Variants in ITGA4 observed in about 807,000 individuals in gnomAD.
The protein encoded by ITGA4 is integrin subunit alpha 4.
A neutral mutation model predicts 133.6 loss-of-function variants in ITGA4; 63 were observed. The observed-to-expected ratio is 0.47, with a 90% CI of 0.38 to 0.58. ITGA4 has a LOEUF of 0.58. ITGA4 is among the 20% of genes least tolerant of loss of function. The pLI is 0.00. For missense variants in ITGA4, 1,076 were observed against 1,252.7 expected, an observed-to-expected ratio of 0.86 and a Z score of 2.13; for synonymous variants, 483 against 438.0, an observed-to-expected ratio of 1.10 and a Z score of -1.28.
At chr2:181,517,387 CAT>C (rs1686627370) in intron 17 of ITGA4, among the ~76,000 whole-genome samples, 2 of 152,012 alleles carry the variant, frequency 1.3e-5, no homozygotes, top group African/African-American at 2.4e-5. Context: ...CAGAAAAAAA[CAT>C]AGAGCCTGGT....
intron 9 of ITGA4, among the ~76,000 whole-genome samples, chr2:181,484,009 T>G (rs759670007): frequency 1.2e-4 from 18 of 152,224 alleles, no homozygotes; most frequent in Non-Finnish European, 2.1e-4. Context: ...AATTAATAAT[T>G]GATTCCAGCT....
intron 10 of ITGA4, 83 bp downstream of exon 10, chr2:181,486,075 T>C (rs1685909389): frequency 6.7e-7 from 1 of 1,485,836 alleles, no homozygotes; most frequent in Admixed American, 2.6e-5. Context: ...TTTTGTATTG[T>C]TTTCCTTCCT....
chr2:181,476,005 A>C, intron 4 of ITGA4: 1 of 1,126,592 alleles, frequency 8.9e-7, no homozygotes, highest in Non-Finnish European at 1.2e-6. Flanking sequence ...AAAATCCCTC[A>C]GCACGCAAAG....
chr2:181,485,753 A>G, intron 9 of ITGA4, 128 bp from the exon 10 acceptor site: 1 of 698,560 alleles, frequency 1.4e-6, no homozygotes. Context: ...TGTGTACTAA[A>G]GCTCAGTCTG....
intron 14 of ITGA4, 124 bp from the exon 15 acceptor site, chr2:181,498,499 T>C (rs1686203258): frequency 4.0e-6 from 2 of 503,710 alleles, no homozygotes; most frequent in East Asian, 6.7e-5. Flanking sequence ...AAAAAGCTGT[T>C]TAATAAAGAG....
Position 181,537,002 on chromosome 2 carries a change from A to C in ITGA4, c.*1475A>C. 1 of 449,436 alleles carries C rather than the reference A, an allele frequency of 2.2e-6. No homozygotes were observed. The highest frequency in any genetic ancestry group is 1.6e-5 in the South Asian group (1 of 63,462). The allele number at this position is 449,436 out of a possible 1,614,324, so 27.8% of individuals were successfully genotyped here. ...GAAAGTTATCTGTTCACAGGCCTGC[A>C]GTGATGGTGAGGAATGTTCTGAGAT... On this transcript the variant is annotated 3_prime_UTR_variant, in exon 28 of 28. Transcript: ENST00000397033.
intron 16 of ITGA4, among the ~76,000 whole-genome samples, chr2:181,511,325 C>G (rs750291600): frequency 6.6e-6 from 1 of 152,068 alleles, no homozygotes; most frequent in African/African-American, 2.4e-5. Flanking sequence ...AAGTGCCATA[C>G]TTACACGTAA....
At position 181,495,680 on chromosome 2, in the gene ITGA4, C is replaced by T. The variant is rs1559047142; in HGVS notation, c.1386-103C>T. The T allele has an allele frequency of 1.0e-6, 1 of 986,114 alleles. No homozygotes were observed. Among genetic ancestry groups the T allele is most frequent in the African/African-American group, 1.6e-5 (1 of 61,730 alleles). 61.1% of individuals were successfully genotyped at this position (986,114 alleles called of 1,614,324 possible). A position where few individuals can be genotyped will look rare whatever the true frequency, so the allele number is the denominator to read the frequency against. On this transcript the variant is annotated intron_variant, in intron 13 of 27. Coordinates refer to ENST00000397033, the MANE Select transcript of ITGA4 (RefSeq NM_000885.6). This position sits in a 1 kb window ranked among gnomAD's most constrained non-coding sequence, Gnocchi z 4.3. Reference sequence around the variant, plus strand: ...TAGTATGTACACACATAATAAGACTCATGAAATTACTTGGTGAATGTAAAC... The same window carrying T: ...TAGTATGTACACACATAATAAGACTTATGAAATTACTTGGTGAATGTAAAC...
At chr2:181,467,793 A>AT (rs1415532265) in intron 2 of ITGA4, among the ~76,000 whole-genome samples, 1 of 152,158 alleles carries the variant, frequency 6.6e-6, no homozygotes, top group Non-Finnish European at 1.5e-5. Flanking sequence ...CAAAGATGCT[A>AT]TTTTTTAATT....
chr2:181,468,975 A>G (rs190578977), intron 2 of ITGA4, among the ~76,000 whole-genome samples: 14 of 152,274 alleles, frequency 9.2e-5, no homozygotes, highest in South Asian at 4.1e-4. Context: ...TACTTTTTCA[A>G]TTATGGAGCT....
intron 22 of ITGA4, among the ~76,000 whole-genome samples, chr2:181,529,067 G>C (rs1047016192): frequency 1.3e-5 from 2 of 152,122 alleles, no homozygotes; most frequent in Admixed American, 6.6e-5. Flanking sequence ...AACATCATAG[G>C]ATTTAGAATT....
At position 181,537,581 on chromosome 2, in the gene ITGA4, T is replaced by C. The variant is rs146928073; in HGVS notation, c.*2054T>C. 182 of 427,468 alleles carry C rather than the reference T, an allele frequency of 4.3e-4. No homozygotes were observed. Among genetic ancestry groups the C allele is most frequent in the African/African-American group, 3.5e-3 (171 of 48,596 alleles). 26.5% of individuals were successfully genotyped at this position (427,468 alleles called of 1,614,324 possible). On this transcript the variant is annotated 3_prime_UTR_variant, in exon 28 of 28. Transcript: ENST00000397033. The stretch of plus-strand genomic sequence containing the variant: ...TGAATCAAGGCAGACTTATGAAATC[T>C]GTATTATATTTGTAACAGAATATAG...
intron 2 of ITGA4, among the ~76,000 whole-genome samples, chr2:181,459,940 TTAAATTTAAGA>T (rs1559034388): frequency 6.6e-6 from 1 of 152,192 alleles, no homozygotes; most frequent in Non-Finnish European, 1.5e-5. Flanking sequence ...TAATACTGTA[TTAAATTTAAGA>T]TAATGCCTGT....
chr2:181,477,880 G>C (rs1363117694), intron 4 of ITGA4, among the ~76,000 whole-genome samples: 3 of 152,012 alleles, frequency 2.0e-5, no homozygotes, highest in African/African-American at 7.2e-5. Context: ...ACCACATAAA[G>C]AGATCTGCGT....
At chr2:181,509,929 C>G (rs1251980071) in intron 16 of ITGA4, 122 bp downstream of exon 16, 1 of 664,080 alleles carries the variant, frequency 1.5e-6, no homozygotes, top group Non-Finnish European at 2.5e-6. Context: ...TTTTTAAAAA[C>G]AAAAATAGAT....
intron 15 of ITGA4, among the ~76,000 whole-genome samples, chr2:181,499,988 G>A (rs551538009): frequency 3.2e-4 from 49 of 152,202 alleles, no homozygotes; most frequent in African/African-American, 3.6e-4. Flanking sequence ...CAGCTTTTTC[G>A]GAGTAAATTT....
At chr2:181,499,648 C>T (rs2105748325) in intron 15 of ITGA4, among the ~76,000 whole-genome samples, 1 of 152,288 alleles carries the variant, frequency 6.6e-6, no homozygotes, top group East Asian at 1.9e-4. Flanking sequence ...AATCCCCATG[C>T]TATTTCCTCA....
chr2:181,535,531 C>CTTCT lies in ITGA4; in HGVS notation c.*8_*11dup. The CTTCT allele has an allele frequency of 6.3e-7, 1 of 1,596,764 alleles. No individual in the cohort carries two copies. The highest frequency in any genetic ancestry group is 8.5e-7 in the Non-Finnish European group (1 of 1,172,666). ...CAGTAAAAGCAATGATGATTAAGGA[C>CTTCT]TTCTTTCAAATTGAGAGAATGGAAA... On this transcript the variant is annotated 3_prime_UTR_variant, in exon 28 of 28. Coordinates refer to ENST00000397033, the MANE Select transcript of ITGA4 (RefSeq NM_000885.6).
At chr2:181,501,274 C>T (rs972685444) in intron 15 of ITGA4, among the ~76,000 whole-genome samples, 4 of 151,888 alleles carry the variant, frequency 2.6e-5, no homozygotes, top group Non-Finnish European at 4.4e-5. Flanking sequence ...AGTATTCCAG[C>T]GAGAAAAGCT....
Sources: gnomAD v4.1 joint callset for allele counts (sites outside exome capture counted in the v4.1 genomes callset) on GRCh38, gnomAD v4.1.1 for gene constraint, Gnocchi (gnomAD v3.1) non-coding constraint, MANE v1.5 for transcripts, NCBI Gene and HGNC (gene_info 2026-07-23, HGNC 2026-07-21) for gene names.